NCOA1: variants seen among roughly 807,000 people sequenced by gnomAD.
NCOA1 encodes nuclear receptor coactivator 1.
NCOA1 carries 35 observed loss-of-function variants against 150.9 expected under a neutral mutation model. The ratio of observed to expected loss-of-function variants is 0.23; its 90% CI spans 0.18 to 0.31. NCOA1 has a LOEUF of 0.31. Ranked by LOEUF, NCOA1 falls within the 10% of genes least tolerant of loss-of-function variation. NCOA1 has a pLI of 1.00. For synonymous variants in NCOA1, 590 were observed against 630.0 expected, an observed-to-expected ratio of 0.94 and a Z score of 0.95; for missense variants, 1,491 against 1,749.3, an observed-to-expected ratio of 0.85 and a Z score of 2.63.
intron 3 of NCOA1, among the ~76,000 whole-genome samples, chr2:24,620,788 A>G (rs1384055814): frequency 6.6e-6 from 1 of 152,218 alleles, no homozygotes; most frequent in Non-Finnish European, 1.5e-5. Context: ...TTTTTTAAAG[A>G]ATGATTCACA....
chr2:24,619,598 A>G (rs1282338819), intron 3 of NCOA1, among the ~76,000 whole-genome samples: 6 of 152,178 alleles, frequency 3.9e-5, no homozygotes, highest in African/African-American at 4.8e-5. Flanking sequence ...GAGTTAACCA[A>G]TAAACTGACT....
chr2:24,705,682 T>C (rs1195255653), intron 12 of NCOA1, among the ~76,000 whole-genome samples: 2 of 152,206 alleles, frequency 1.3e-5, no homozygotes, highest in African/African-American at 4.8e-5. Context: ...TTGAGTGCCA[T>C]TGTCTCTAAT....
intron 2 of NCOA1, among the ~76,000 whole-genome samples, chr2:24,581,768 T>C (rs1667204095): frequency 6.6e-6 from 1 of 152,166 alleles, no homozygotes; most frequent in Non-Finnish European, 1.5e-5. Context: ...TCACACACCA[T>C]GCCTAAGTGG....
chr2:24,547,968 AAC>A (rs1223838198), intron 1 of NCOA1, among the ~76,000 whole-genome samples: 1 of 145,020 alleles, frequency 6.9e-6, no homozygotes, highest in Admixed American at 6.9e-5. Flanking sequence ...CAGCCTGGGC[AAC>A]AGAGTGAGAC....
At chr2:24,668,958 C>T (rs1671562509) in intron 6 of NCOA1, among the ~76,000 whole-genome samples, 2 of 152,150 alleles carry the variant, frequency 1.3e-5, no homozygotes, top group Admixed American at 6.5e-5. Context: ...CACACATCGG[C>T]TCCCTTATAA....
At chr2:24,552,160 T>A (rs1160438453) in intron 1 of NCOA1, among the ~76,000 whole-genome samples, 1 of 151,518 alleles carries the variant, frequency 6.6e-6, no homozygotes. Flanking sequence ...AATTTTAGAA[T>A]CAGCTTGTCA....
At chr2:24,701,707 A>G (rs1462279329) in intron 11 of NCOA1, among the ~76,000 whole-genome samples, 1 of 152,162 alleles carries the variant, frequency 6.6e-6, no homozygotes, top group Non-Finnish European at 1.5e-5. Flanking sequence ...AGCCATTTTC[A>G]TCTTTTAAAA....
intron 3 of NCOA1, among the ~76,000 whole-genome samples, chr2:24,606,760 C>G (rs1049701618): frequency 1.3e-5 from 2 of 152,056 alleles, no homozygotes; most frequent in African/African-American, 4.8e-5. Context: ...AAAGAAATAC[C>G]TAACAGCTAC....
intron 2 of NCOA1, among the ~76,000 whole-genome samples, chr2:24,566,177 A>G (rs1285912077): frequency 6.6e-6 from 1 of 152,222 alleles, no homozygotes; most frequent in African/African-American, 2.4e-5. Flanking sequence ...CAGGAGCTTT[A>G]TTGAGCTATA....
At chr2:24,674,584 A>C (rs1671824820) in intron 7 of NCOA1, among the ~76,000 whole-genome samples, 1 of 152,152 alleles carries the variant, frequency 6.6e-6, no homozygotes, top group Non-Finnish European at 1.5e-5. Context: ...TCGCACATCT[A>C]ATGAGAGGGT....
At chr2:24,540,141 C>T (rs1322343035) in intron 1 of NCOA1, among the ~76,000 whole-genome samples, 1 of 152,072 alleles carries the variant, frequency 6.6e-6, no homozygotes, top group African/African-American at 2.4e-5. Flanking sequence ...AACAGAATCC[C>T]AAGTACAAAG....
Position 24,742,140 on chromosome 2 carries a change from A to C in NCOA1, c.3660A>C (p.Gly1220=). 6.2e-7 allele frequency: 1 copy of C among 1,614,000 alleles called. No homozygotes were observed. The highest frequency in any genetic ancestry group is 8.5e-7 in the Non-Finnish European group (1 of 1,179,908). The change falls in exon 19 of 23, where the codon GGA becomes GGC. Residue 1220 remains glycine (G), a synonymous_variant. Transcript: ENST00000348332. ...TGNIGGQFGT[G]INPQMQQNVF... ...ACATAGGAGGACAGTTTGGCACTGG[A>C]ATCAATCCTCAGATGCAGCAGAATG...
At chr2:24,758,828 A>G (rs1043346557) in intron 21 of NCOA1, among the ~76,000 whole-genome samples, 1 of 149,868 alleles carries the variant, frequency 6.7e-6, no homozygotes, top group Non-Finnish European at 1.5e-5. Flanking sequence ...TAAAAAAAAA[A>G]CAAACAAAAA....
intron 1 of NCOA1, among the ~76,000 whole-genome samples, chr2:24,515,399 A>G (rs1446914780): frequency 6.6e-6 from 1 of 151,892 alleles, no homozygotes; most frequent in South Asian, 2.1e-4. Context: ...TGCCCAGCTA[A>G]TATTTTAAAA....
chr2:24,531,421 G>T (rs1279754116), intron 1 of NCOA1, among the ~76,000 whole-genome samples: 3 of 152,078 alleles, frequency 2.0e-5, no homozygotes, highest in Non-Finnish European at 4.4e-5. Context: ...AATCTATTTT[G>T]CAGCAACTTG....
chr2:24,581,005 A>C (rs2148307753), intron 2 of NCOA1, among the ~76,000 whole-genome samples: 1 of 152,196 alleles, frequency 6.6e-6, no homozygotes, highest in African/African-American at 2.4e-5. Flanking sequence ...CAGGTTCTCT[A>C]CTTTGCCTCT....
chr2:24,757,155 G>A (rs915866849), intron 20 of NCOA1, among the ~76,000 whole-genome samples: 1 of 152,156 alleles, frequency 6.6e-6, no homozygotes, highest in African/African-American at 2.4e-5. Context: ...ATTTTAGTAT[G>A]CATGAATAGT....
At chr2:24,567,106 C>G (rs889977697) in intron 2 of NCOA1, among the ~76,000 whole-genome samples, 4 of 152,206 alleles carry the variant, frequency 2.6e-5, no homozygotes, top group African/African-American at 9.6e-5. Context: ...ACTGCCTCAG[C>G]TACAATAAAT....
chr2:24,673,503 T>C (rs944211899), intron 7 of NCOA1, 40 bp downstream of exon 7: 23 of 1,430,426 alleles, frequency 1.6e-5, no homozygotes, highest in African/African-American at 8.8e-5. Context: ...TTAAAATCTT[T>C]GTTGTAGCCA....
Sources: allele counts gnomAD v4.1 joint callset (sites outside exome capture counted in the v4.1 genomes callset), GRCh38; gene constraint gnomAD v4.1.1; transcripts MANE v1.5; gene names NCBI Gene and HGNC (gene_info 2026-07-23, HGNC 2026-07-21).